The following CPT2 variants were observed in gnomAD, a reference collection of about 807,000 sequenced individuals.
CPT2 encodes the protein carnitine O-palmitoyltransferase 2, mitochondrial.
In CPT2, 37 loss-of-function variants were observed where a neutral mutation model predicts 48.6. The ratio of observed to expected loss-of-function variants is 0.76; its 90% CI spans 0.59 to 1.00. The LOEUF is 1.00. CPT2 is among the 50% of genes least tolerant of loss of function. The probability of loss-of-function intolerance (pLI) is 0.00; values close to 1 mark genes in which losing one functional copy is unlikely to be tolerated. For synonymous variants in CPT2, 319 were observed against 326.9 expected, an observed-to-expected ratio of 0.98 and a Z score of 0.26; for missense variants, 772 against 825.6, an observed-to-expected ratio of 0.94 and a Z score of 0.80.
Position 53,210,051 on chromosome 1 carries a change from C to T in CPT2, c.377C>T (p.Ser126Phe), listed in dbSNP as rs750572726. ...WFDMYLSARD[S>F]VVLNFNPFMA... ...GATATGTACCTATCTGCTCGAGACT[C>T]CGTTGTTCTGAACTTTAATCCATTT... Residue 126 changes from serine (S) to phenylalanine (F), a missense_variant, in exon 4 of 5, where the codon TCC (serine) becomes TTC (phenylalanine). By Grantham distance (155) the Ser-to-Phe change is radical. Coordinates refer to ENST00000371486, the MANE Select transcript of CPT2 (RefSeq NM_000098.3). 2 of 1,614,004 alleles carry T rather than the reference C, an allele frequency of 1.2e-6. No individual in the cohort carries two copies. Among genetic ancestry groups the T allele is most frequent in the East Asian group, 2.2e-5 (1 of 44,882 alleles).
chr1:53,202,186 G>A (rs1467856909), intron 2 of CPT2, 137 bp from the exon 3 acceptor site: 4 of 700,444 alleles, frequency 5.7e-6, no homozygotes, highest in Non-Finnish European at 1.1e-5. Flanking sequence ...CTGGTTAGAG[G>A]TACTTTCTGA....
At chr1:53,200,170 G>A (rs924523658) in intron 1 of CPT2, 4 of 154,220 alleles carry the variant, frequency 2.6e-5, no homozygotes, top group African/African-American at 9.6e-5. Flanking sequence ...CTTCCTAATG[G>A]CGTTCCTGGT....
rs749268486 is a variant in CPT2, at chr1:53,213,347, C to A, written c.1729C>A (p.Pro577Thr). Residue 577 changes from proline to threonine, a missense_variant, in exon 5 of 5, where the codon CCT becomes ACT. Coordinates refer to ENST00000371486, the MANE Select transcript of CPT2 (RefSeq NM_000098.3). ...CATCTTGCCTGAGCTCTACCTGGAC[C>A]CTGCATACGGGCAGATAAACCACAA... is the stretch of plus-strand genomic sequence containing the variant. ...GIILPELYLD[P>T]AYGQINHNVL... The A allele has an allele frequency of 2.5e-6, 4 of 1,614,212 alleles. No homozygotes were observed. Among genetic ancestry groups the A allele is most frequent in the Non-Finnish European group, 3.4e-6 (4 of 1,180,048 alleles).
Position 53,210,729 on chromosome 1 carries a change from T to C in CPT2, c.1055T>C (p.Phe352Ser). 1 of 1,614,208 alleles carries C rather than the reference T, an allele frequency of 6.2e-7. No homozygotes were observed. The highest frequency in any genetic ancestry group is 8.5e-7 in the Non-Finnish European group (1 of 1,180,038). Reference sequence around the variant, plus strand: ...CATGGGGATGGCACAAACCGCTGGTTTGATAAATCCTTTAACCTCATTATC... The same window carrying C: ...CATGGGGATGGCACAAACCGCTGGTCTGATAAATCCTTTAACCTCATTATC... The part of the protein sequence containing the change: ...MLHGDGTNRW[F>S]DKSFNLIIAK... Residue 352 changes from phenylalanine (F) to serine (S), a missense_variant, in exon 4 of 5, where the codon TTT becomes TCT. By Grantham distance (155) the Phe-to-Ser change is radical. Coordinates refer to ENST00000371486, the MANE Select transcript of CPT2 (RefSeq NM_000098.3).
chr1:53,213,134 CAT>C (rs1645440167), intron 4 of CPT2, 128 bp from the exon 5 acceptor site: 1 of 803,426 alleles, frequency 1.2e-6, no homozygotes, highest in Admixed American at 2.0e-5. Flanking sequence ...TGGTGGTGTG[CAT>C]AGAGGTAGAG....
At position 53,203,235 on chromosome 1, in the gene CPT2, G is replaced by A. The variant is rs1402989384; in HGVS notation, c.340+806G>A. 4 of 152,240 alleles carry A rather than the reference G, an allele frequency of 2.6e-5. No homozygotes were observed. The East Asian group carries it at 7.7e-4, about 29-fold the overall frequency. The allele number at this position is 152,240 out of a possible 1,614,324, so 9.4% of individuals were successfully genotyped here. A position where few individuals can be genotyped will look rare whatever the true frequency, so the allele number is the denominator to read the frequency against. ...AGTCATTAGCTATTGACATCTCACT[G>A]TAGAAGATTAGAATTCAGCAGTACT... On this transcript the variant is annotated intron_variant, in intron 3 of 4. Coordinates refer to ENST00000371486, the MANE Select transcript of CPT2 (RefSeq NM_000098.3).
Position 53,213,431 on chromosome 1 carries a change from G to A in CPT2, c.1813G>A (p.Val605Met). ...AGTGAACCTTGGGGGCTTTGCCCCTGTGGTCTCTGATGGCTTTGGTGTTGG... is the reference window on the plus strand; with the variant it reads ...AGTGAACCTTGGGGGCTTTGCCCCTATGGTCTCTGATGGCTTTGGTGTTGG... ...PAVNLGGFAP[V>M]VSDGFGVGYA... The change falls in exon 5 of 5, where the codon GTG becomes ATG. Residue 605 changes from valine to methionine, a missense_variant. Val to Met is a conservative substitution (Grantham distance 21, BLOSUM62 1). Coordinates refer to ENST00000371486, the MANE Select transcript of CPT2 (RefSeq NM_000098.3). The A allele has an allele frequency of 6.2e-7, 1 of 1,614,266 alleles. No homozygotes were observed. The highest frequency in any genetic ancestry group is 8.5e-7 in the Non-Finnish European group (1 of 1,180,054).
chr1:53,197,248 G>T, intron 1 of CPT2, 153 bp downstream of exon 1: 7 of 951,538 alleles, frequency 7.4e-6, no homozygotes, highest in Non-Finnish European at 3.2e-6. Context: ...GAAGTCTTGG[G>T]ACTTTTCACA....
chr1:53,213,608 T>C lies in CPT2; in HGVS notation c.*13T>C, dbSNP rs758532461. 2.5e-6 allele frequency: 4 copies of C among 1,608,928 alleles called. No homozygotes were observed. In the African/African-American group the frequency reaches 5.3e-5, roughly 21 times the overall value. On this transcript the variant is annotated 3_prime_UTR_variant, in exon 5 of 5. Transcript: ENST00000371486. ...CATCAAAAGTTAACTTCTGGGCAGA[T>C]GAAAAGCTACCATCACTTCCTCATC...
intron 1 of CPT2, 150 bp downstream of exon 1, chr1:53,197,245 T>C: frequency 1.0e-6 from 1 of 1,002,848 alleles, no homozygotes; most frequent in Non-Finnish European, 1.5e-6. Context: ...CTGGAAGTCT[T>C]GGGACTTTTC....
chr1:53,210,202 C>T lies in CPT2; in HGVS notation c.528C>T (p.Phe176=). The T allele has an allele frequency of 6.2e-7, 1 of 1,614,152 alleles. No individual in the cohort carries two copies. Among genetic ancestry groups the T allele is most frequent in the Non-Finnish European group, 8.5e-7 (1 of 1,180,038 alleles). ...CTGGCCTTCTGGAGCCAGAAGTGTT[C>T]CACTTGAACCCTGCAAAAAGTGACA... The part of the protein sequence containing the change: ...LRAGLLEPEV[F]HLNPAKSDTI... The change falls in exon 4 of 5, where the codon TTC becomes TTT. Residue 176 remains phenylalanine, a synonymous_variant. Transcript: ENST00000371486.
chr1:53,196,882 TTG>T lies in CPT2; in HGVS notation c.-58_-57del. On this transcript the variant is annotated 5_prime_UTR_variant, in exon 1 of 5. Transcript: ENST00000371486. ...TTGGGCGCTAACGGCGGCGGCGGCC[TTG>T]TGTTTAGACTCCAGAACTCCCCACT... The T allele has an allele frequency of 6.6e-7, 1 of 1,522,282 alleles. No homozygotes were observed. The highest frequency in any genetic ancestry group is 8.8e-7 in the Non-Finnish European group (1 of 1,140,384). 94.3% of individuals were successfully genotyped at this position (1,522,282 alleles called of 1,614,324 possible). A position where few individuals can be genotyped will look rare whatever the true frequency, so the allele number is the denominator to read the frequency against.
chr1:53,213,103 C>G, intron 4 of CPT2, 161 bp from the exon 5 acceptor site: 1 of 680,320 alleles, frequency 1.5e-6, no homozygotes. Context: ...CTAGCTTGAG[C>G]TGCTCTGAAG....
intron 3 of CPT2, 85 bp from the exon 4 acceptor site, chr1:53,209,930 A>G (rs967766840): frequency 6.8e-6 from 8 of 1,170,478 alleles, no homozygotes; most frequent in Non-Finnish European, 1.0e-5. Context: ...TCCTTTGTCT[A>G]TGCTTGAATT....
chr1:53,206,099 C>T (rs1446315755), intron 3 of CPT2, among the ~76,000 whole-genome samples: 4 of 149,244 alleles, frequency 2.7e-5, no homozygotes, highest in South Asian at 4.2e-4. Context: ...AGGAGAATAG[C>T]GTGAACCCAG....
chr1:53,209,892 A>C, intron 3 of CPT2, 123 bp from the exon 4 acceptor site: 2 of 774,764 alleles, frequency 2.6e-6, no homozygotes, highest in Non-Finnish European at 4.3e-6. Flanking sequence ...CATTCAGGGA[A>C]TTCTTCTCTC....
chr1:53,205,920 C>A (rs946810072), intron 3 of CPT2, among the ~76,000 whole-genome samples: 6 of 152,180 alleles, frequency 3.9e-5, no homozygotes, highest in African/African-American at 1.4e-4. Flanking sequence ...CGGTGGCTCA[C>A]GCCTGTAATC....
intron 3 of CPT2, chr1:53,207,576 C>T (rs1348896758): frequency 1.3e-5 from 2 of 152,300 alleles, no homozygotes; most frequent in Non-Finnish European, 2.9e-5. Context: ...ATTCTCCTGC[C>T]TCAGCCTTCT....
At chr1:53,200,039 T>A (rs1420273374) in intron 1 of CPT2, 3 of 152,286 alleles carry the variant, frequency 2.0e-5, no homozygotes, top group Non-Finnish European at 1.5e-5. Context: ...GTCCATGTGT[T>A]TTCATTTCAC....
Sources: allele counts gnomAD v4.1 joint callset (sites outside exome capture counted in the v4.1 genomes callset), GRCh38; gene constraint gnomAD v4.1.1; transcripts MANE v1.5; gene names NCBI Gene and HGNC (gene_info 2026-07-23, HGNC 2026-07-21).